The following CCDC201 variants were observed in gnomAD, a reference collection of about 807,000 sequenced individuals.
The protein encoded by CCDC201 is coiled-coil domain-containing protein 201.
chr7:45,863,266 A>C (rs575041597), intron 2 of CCDC201, 95 bp from the exon 3 acceptor site: 1 of 152,344 alleles, frequency 6.6e-6, no homozygotes, highest in South Asian at 2.1e-4. Context: ...ATAAATGCCC[A>C]CTCAAGGTCT....
chr7:45,862,263 A>G (rs1786612655), exon 3 of CCDC201: 1 of 152,204 alleles, frequency 6.6e-6, no homozygotes, highest in South Asian at 2.1e-4. Context: ...TTTCAGGCTC[A>G]CTAGGATACC....
chr7:45,865,213 AC>A (rs1786655645), intron 2 of CCDC201, among the ~76,000 whole-genome samples: 1 of 152,254 alleles, frequency 6.6e-6, no homozygotes, highest in Non-Finnish European at 1.5e-5. Context: ...GCACCTCCCA[AC>A]TGGCTGCTAC....
upstream of CCDC201, among the ~76,000 whole-genome samples, chr7:45,876,369 T>C (rs1583655658): frequency 6.6e-6 from 1 of 152,192 alleles, no homozygotes; most frequent in African/African-American, 2.4e-5. Flanking sequence ...CAGGTGCTAT[T>C]CCATTTGCCA....
the CCDC201 span, among the ~76,000 whole-genome samples, chr7:45,878,822 A>G: frequency 6.6e-6 from 1 of 152,230 alleles, no homozygotes; most frequent in African/African-American, 2.4e-5. Context: ...GCAGCTTTGA[A>G]TTCCTCCCTA....
upstream of CCDC201, among the ~76,000 whole-genome samples, chr7:45,877,106 T>C (rs1041679936): frequency 9.9e-5 from 15 of 152,274 alleles, no homozygotes; most frequent in African/African-American, 3.6e-4. Flanking sequence ...CCTCACTGGG[T>C]CTTGTGATAA....
At chr7:45,876,477 G>T (rs945444117), upstream of CCDC201, among the ~76,000 whole-genome samples, 3 of 152,140 alleles carry the variant, frequency 2.0e-5, no homozygotes, top group Non-Finnish European at 4.4e-5. Flanking sequence ...CCAAAATACA[G>T]CACAAAGCTG....
At chr7:45,884,508 C>G in the CCDC201 span, among the ~76,000 whole-genome samples, 1 of 152,188 alleles carries the variant, frequency 6.6e-6, no homozygotes, top group African/African-American at 2.4e-5. Flanking sequence ...CTCCAGGCCT[C>G]TTTGTGCCTG....
chr7:45,877,605 G>A (rs1055457436), upstream of CCDC201, among the ~76,000 whole-genome samples: 1 of 152,160 alleles, frequency 6.6e-6, no homozygotes, highest in Non-Finnish European at 1.5e-5. Flanking sequence ...GAGAGAGAGA[G>A]GAAGAGGAGG....
chr7:45,884,260 T>TG, the CCDC201 span, among the ~76,000 whole-genome samples: 9 of 152,124 alleles, frequency 5.9e-5, no homozygotes, highest in Admixed American at 1.3e-4. Flanking sequence ...CCACCATGCC[T>TG]GGCTAATTAT....
At chr7:45,881,898 G>A in the CCDC201 span, among the ~76,000 whole-genome samples, 1 of 152,102 alleles carries the variant, frequency 6.6e-6, no homozygotes, top group Non-Finnish European at 1.5e-5. Context: ...ACTTTGATTA[G>A]TGGGGAGTGT....
At chr7:45,880,318 T>C in the CCDC201 span, among the ~76,000 whole-genome samples, 2 of 152,344 alleles carry the variant, frequency 1.3e-5, no homozygotes, top group South Asian at 2.1e-4. Context: ...TTATTTGTAA[T>C]GAAGAAAAGT....
intron 2 of CCDC201, among the ~76,000 whole-genome samples, chr7:45,865,704 C>A (rs1260582918): frequency 6.6e-6 from 1 of 152,228 alleles, no homozygotes; most frequent in Non-Finnish European, 1.5e-5. Context: ...CAGCCAGCGG[C>A]AGCCTGGGTC....
At chr7:45,883,265 G>C in the CCDC201 span, among the ~76,000 whole-genome samples, 1 of 151,992 alleles carries the variant, frequency 6.6e-6, no homozygotes, top group African/African-American at 2.4e-5. Context: ...CACTAAACCA[G>C]GTGAGACACA....
chr7:45,861,355 A>G (rs1412417338), exon 3 of CCDC201: 1 of 144,162 alleles, frequency 6.9e-6, no homozygotes, highest in Non-Finnish European at 1.5e-5. Context: ...TATAAGTTAT[A>G]AAAAAAGAAA....
At chr7:45,873,550 G>T (rs545548585), upstream of CCDC201, among the ~76,000 whole-genome samples, 6 of 152,258 alleles carry the variant, frequency 3.9e-5, no homozygotes, top group African/African-American at 1.2e-4. Flanking sequence ...AGCCCAGAGC[G>T]CTGGGCCAGC....
At chr7:45,873,556 C>T (rs145921815), upstream of CCDC201, among the ~76,000 whole-genome samples, 119 of 152,296 alleles carry the variant, frequency 7.8e-4, no homozygotes, top group African/African-American at 2.8e-3. Flanking sequence ...GAGCGCTGGG[C>T]CAGCCCCAGT....
At chr7:45,876,430 A>T (rs547453488), upstream of CCDC201, among the ~76,000 whole-genome samples, 22 of 152,338 alleles carry the variant, frequency 1.4e-4, no homozygotes, top group African/African-American at 5.3e-4. Context: ...AAGATCACAG[A>T]GCTGCCAAGG....
rs946956598 is a variant in CCDC201 at position 45,869,123 on chromosome 7, T to C, written c.19-2629A>G. ...CACAATAGAATATTTGAATGTGGCA[T>C]AATGAGATAGTATAGAAAGAGCTAT... On this transcript the variant is annotated intron_variant, in intron 1 of 2. Transcript: ENST00000636578. Among the ~76,000 whole-genome samples the C allele has an allele frequency of 2.0e-5, 3 of 152,188 alleles. No individual in the cohort carries two copies. In the East Asian group the frequency reaches 5.8e-4, roughly 29 times the overall value.
chr7:45,876,714 T>C (rs7786216), upstream of CCDC201, among the ~76,000 whole-genome samples: 7,083 of 152,318 alleles, frequency 0.047, 470 homozygotes, highest in African/African-American at 0.14. Flanking sequence ...ACAGTGGTGT[T>C]AGCCTGGCAC....
Sources: gnomAD v4.1 joint callset for allele counts (sites outside exome capture counted in the v4.1 genomes callset) on GRCh38, gnomAD v4.1.1 for gene constraint, MANE v1.5 for transcripts, NCBI Gene and HGNC (gene_info 2026-07-23, HGNC 2026-07-21) for gene names.